PCDHGB2: variants seen among roughly 807,000 people sequenced by gnomAD.
PCDHGB2 encodes protocadherin gamma subfamily B, 2.
In PCDHGB2, 55 loss-of-function variants were observed where a neutral mutation model predicts 59.3. The ratio of observed to expected loss-of-function variants is 0.93; its 90% confidence interval spans 0.75 to 1.16. The LOEUF is 1.16. PCDHGB2 is among the 50% of genes most tolerant of loss of function. PCDHGB2 has a pLI of 0.00. For missense variants in PCDHGB2, 1,228 were observed against 1,198.5 expected, an observed-to-expected ratio of 1.02 and a Z score of -0.36; for synonymous variants, 516 against 512.0, an observed-to-expected ratio of 1.01 and a Z score of -0.11.
At position 141,491,682 on chromosome 5, in the gene PCDHGB2, G is replaced by A. The variant is rs11952292; in HGVS notation, c.2422-3125G>A. The A allele has an allele frequency of 1.9e-6, 3 of 1,613,150 alleles. No individual in the cohort carries two copies. Among genetic ancestry groups the A allele is most frequent in the South Asian group, 1.1e-5 (1 of 91,046 alleles). On this transcript the variant is annotated intron_variant, in intron 1 of 3. Coordinates refer to ENST00000522605, the MANE Select transcript of PCDHGB2 (RefSeq NM_018923.3). The surrounding 1 kb of genome is among the most constrained non-coding windows in gnomAD (Gnocchi z 6.9). Reference sequence around the variant, plus strand: ...ACGCCATCCGGTCCCGCTCTAATACGCTGCGGGAGCGGAGCCAGGTGAGGG... The same window carrying A: ...ACGCCATCCGGTCCCGCTCTAATACACTGCGGGAGCGGAGCCAGGTGAGGG...
intron 1 of PCDHGB2, chr5:141,415,367 CT>C (rs2095859649): frequency 6.2e-7 from 1 of 1,614,118 alleles, no homozygotes; most frequent in African/African-American, 1.3e-5. Flanking sequence ...CTGCTGCAGG[CT>C]TCAGGAGGCG....
chr5:141,452,133 A>C (rs2098734490), intron 1 of PCDHGB2, among the ~76,000 whole-genome samples: 1 of 152,136 alleles, frequency 6.6e-6, no homozygotes, highest in Admixed American at 6.5e-5. Flanking sequence ...TATATGGCTC[A>C]TGTGTTTTTT....
At chr5:141,406,198 C>T (rs1363174713) in intron 1 of PCDHGB2, among the ~76,000 whole-genome samples, 1 of 151,806 alleles carries the variant, frequency 6.6e-6, no homozygotes, top group African/African-American at 2.4e-5. Context: ...TCAGCCTTCA[C>T]AGTAGCTAGG....
rs1053132512 is a variant in PCDHGB2 at position 141,409,714 on chromosome 5, C to A, written c.2421+47158C>A. The A allele has an allele frequency of 3.7e-6, 6 of 1,613,108 alleles. No individual in the cohort carries two copies. The African/African-American group carries it at 8.0e-5, about 22-fold the overall frequency. On this transcript the variant is annotated intron_variant, in intron 1 of 3. Transcript: ENST00000522605. ...TAGAGCCCCTGGCGGTGTCGTCATACGTGTCAGTGAGCGCGCAGAGCGGGG... is the reference window on the plus strand; with the variant it reads ...TAGAGCCCCTGGCGGTGTCGTCATAAGTGTCAGTGAGCGCGCAGAGCGGGG...
At chr5:141,478,570 G>T (rs1255499966) in intron 1 of PCDHGB2, 1 of 1,590,156 alleles carries the variant, frequency 6.3e-7, no homozygotes, top group Admixed American at 1.8e-5. Context: ...AGTCATGCTT[G>T]ACCCTGTTAG....
At chr5:141,434,070 T>C (rs1004240895) in intron 1 of PCDHGB2, among the ~76,000 whole-genome samples, 3 of 152,226 alleles carry the variant, frequency 2.0e-5, no homozygotes, top group Non-Finnish European at 2.9e-5. Context: ...TCTGTTAATA[T>C]CAATTATTTA....
chr5:141,502,062 A>G (rs530211521), intron 2 of PCDHGB2, among the ~76,000 whole-genome samples: 2 of 152,146 alleles, frequency 1.3e-5, no homozygotes, highest in South Asian at 4.2e-4. Flanking sequence ...TATTCCCATT[A>G]GCCCCCTTCA....
At chr5:141,385,188 T>A (rs1352073072) in intron 1 of PCDHGB2, 2 of 1,614,080 alleles carry the variant, frequency 1.2e-6, no homozygotes, top group African/African-American at 1.3e-5. Flanking sequence ...CCGCGGACTC[T>A]CGGAAGAGTC....
At chr5:141,400,018 A>G in intron 1 of PCDHGB2, 2 of 1,612,648 alleles carry the variant, frequency 1.2e-6, no homozygotes, top group African/African-American at 1.3e-5. Context: ...CTTGGGCGAC[A>G]GGGACGCGGC....
rs532087470 is a variant in PCDHGB2, at chr5:141,414,020, C to T, written c.2421+51464C>T. 9 of 1,612,620 alleles carry T rather than the reference C, an allele frequency of 5.6e-6. No homozygotes were observed. The East Asian group carries it at 1.8e-4, about 32-fold the overall frequency. The stretch of plus-strand genomic sequence containing the variant: ...GACGAAGGTGCCAATGGAGAAGTGA[C>T]ATATTCATTCCGAAAATTACCTGAC... On this transcript the variant is annotated intron_variant, in intron 1 of 3. Transcript: ENST00000522605.
intron 1 of PCDHGB2, among the ~76,000 whole-genome samples, chr5:141,425,428 T>C (rs1037803701): frequency 1.3e-5 from 2 of 152,238 alleles, no homozygotes; most frequent in African/African-American, 4.8e-5. Context: ...TCCCATTAAA[T>C]AGAGGATAAA....
In PCDHGB2 at chr5:141,409,436, C is replaced by T. The variant is rs368696166; in HGVS notation, c.2421+46880C>T. Reference sequence around the variant, plus strand: ...ACTGGTGACAGATGGAGCCCTGGACCGAGAGCAGACACCAGAATACAATGT... The same window carrying T: ...ACTGGTGACAGATGGAGCCCTGGACTGAGAGCAGACACCAGAATACAATGT... On this transcript the variant is annotated intron_variant, in intron 1 of 3. Transcript: ENST00000522605. 6 of 1,613,864 alleles carry T rather than the reference C, an allele frequency of 3.7e-6. 1 individual carries two copies. The highest frequency in any genetic ancestry group is 5.1e-6 in the Non-Finnish European group (6 of 1,179,900).
At chr5:141,421,520 A>G (rs749034718) in intron 1 of PCDHGB2, 2 of 1,614,068 alleles carry the variant, frequency 1.2e-6, no homozygotes, top group Non-Finnish European at 8.5e-7. Flanking sequence ...GAGCTCTGTG[A>G]GACGGTGTCC....
intron 1 of PCDHGB2, among the ~76,000 whole-genome samples, chr5:141,464,426 GAT>G (rs1287556960): frequency 6.6e-6 from 1 of 151,096 alleles, no homozygotes; most frequent in African/African-American, 2.4e-5. Context: ...TATATATATA[GAT>G]ATATATGTTT....
chr5:141,393,408 G>T (rs2092753153), intron 1 of PCDHGB2: 1 of 1,614,022 alleles, frequency 6.2e-7, no homozygotes, highest in East Asian at 2.2e-5. Context: ...GCTGGAGCGC[G>T]CCCTGGACAG....
chr5:141,389,999 G>C (rs777892783), intron 1 of PCDHGB2: 4 of 1,614,018 alleles, frequency 2.5e-6, no homozygotes, highest in Non-Finnish European at 3.4e-6. Context: ...TCGTGGCCAT[G>C]ATTCTGGCCA....
intron 1 of PCDHGB2, among the ~76,000 whole-genome samples, chr5:141,456,287 C>T (rs951430060): frequency 1.3e-5 from 2 of 152,048 alleles, no homozygotes; most frequent in Non-Finnish European, 2.9e-5. Flanking sequence ...TGAAAAGGGG[C>T]GTCTAATGGA....
rs894528472 is a variant in PCDHGB2 at position 141,489,718 on chromosome 5, C to A, written c.2422-5089C>A. 6.2e-7 allele frequency: 1 copy of A among 1,614,038 alleles called. No individual in the cohort carries two copies. Among genetic ancestry groups the A allele is most frequent in the African/African-American group, 1.3e-5 (1 of 74,934 alleles). ...ATTCCCACTGGACAGTGCCCAGGATCCGGATGTGGGCACCAATACTGTGAG... is the reference window on the plus strand; with the variant it reads ...ATTCCCACTGGACAGTGCCCAGGATACGGATGTGGGCACCAATACTGTGAG... On this transcript the variant is annotated intron_variant, in intron 1 of 3. Coordinates refer to ENST00000522605, the MANE Select transcript of PCDHGB2 (RefSeq NM_018923.3). This position sits in a 1 kb window ranked among gnomAD's most constrained non-coding sequence, Gnocchi z 4.5.
chr5:141,405,418 T>C (rs2094662415), intron 1 of PCDHGB2: 1 of 1,508,444 alleles, frequency 6.6e-7, no homozygotes, highest in South Asian at 1.2e-5. Context: ...TTTTTTTGTT[T>C]TTTGTTTTGT....
Sources: allele counts gnomAD v4.1 joint callset (sites outside exome capture counted in the v4.1 genomes callset), GRCh38; gene constraint gnomAD v4.1.1; non-coding constraint Gnocchi (gnomAD v3.1); transcripts MANE v1.5; gene names NCBI Gene and HGNC (gene_info 2026-07-23, HGNC 2026-07-21).